IGSF10: variants seen among roughly 807,000 people sequenced by gnomAD.
IGSF10 encodes immunoglobulin superfamily member 10, also known as calvaria mechanical force protein 608.
A neutral mutation model predicts 128.2 loss-of-function variants in IGSF10; 126 were observed. The observed-to-expected ratio is 0.98, with a 90% CI of 0.85 to 1.14. IGSF10 has a LOEUF of 1.14. Among genes scored for constraint, IGSF10 ranks in the 50% most tolerant of loss-of-function variants. IGSF10 has a pLI of 0.00. For missense variants in IGSF10, 3,295 were observed against 3,149.8 expected (o/e 1.05, Z -1.10); for synonymous variants, 1,185 against 1,146.2 (o/e 1.03, Z -0.68).
the IGSF10 span, among the ~76,000 whole-genome samples, chr3:151,570,396 G>A: frequency 6.6e-6 from 1 of 152,174 alleles, no homozygotes; most frequent in South Asian, 2.1e-4. Flanking sequence ...TCCAGCACCT[G>A]TTGTTTCCTG....
chr3:151,463,345 G>A (rs935395574), upstream of IGSF10, among the ~76,000 whole-genome samples: 2 of 151,936 alleles, frequency 1.3e-5, no homozygotes, highest in African/African-American at 2.4e-5. Flanking sequence ...ATGTGTCAAA[G>A]CCTTTATATG....
chr3:151,466,603 G>C, the IGSF10 span, among the ~76,000 whole-genome samples: 2 of 152,096 alleles, frequency 1.3e-5, no homozygotes, highest in African/African-American at 2.4e-5. Context: ...GTTCGAGATA[G>C]AGTCTCACTC....
the IGSF10 span, among the ~76,000 whole-genome samples, chr3:151,472,130 T>C: frequency 6.6e-6 from 1 of 152,096 alleles, no homozygotes; most frequent in South Asian, 2.1e-4. Flanking sequence ...GCTAAAATGG[T>C]TTATAACCAG....
the IGSF10 span, among the ~76,000 whole-genome samples, chr3:151,519,658 T>C: frequency 2.0e-5 from 3 of 151,732 alleles, no homozygotes; most frequent in Admixed American, 2.0e-4. Flanking sequence ...TCTTTTTTCT[T>C]TGAGGTATAT....
chr3:151,448,620 C>T lies in IGSF10; in HGVS notation c.1361G>A (p.Ser454Asn). ...TFSTLQIQYS[S>N]DAQITLPRAE... ...TCTTGGTAAAGTGATTTGAGCATCA[C>T]TGGAGTACTGGATCTGTAATGTACT... The change falls in exon 6 of 8, where the codon AGT (serine) becomes AAT (asparagine). Residue 454 changes from serine to asparagine, a missense_variant. Coordinates refer to ENST00000282466, the MANE Select transcript of IGSF10 (RefSeq NM_178822.5). The T allele has an allele frequency of 6.2e-7, 1 of 1,614,108 alleles. No homozygotes were observed.
At chr3:151,453,358 G>A (rs1280760141) in intron 5 of IGSF10, 26 bp downstream of exon 5, 2 of 1,530,856 alleles carry the variant, frequency 1.3e-6, no homozygotes. Context: ...ACTTAATTGG[G>A]ACAAAAAAAT....
chr3:151,607,011 C>T, the IGSF10 span, among the ~76,000 whole-genome samples: 5 of 152,168 alleles, frequency 3.3e-5, no homozygotes, highest in Non-Finnish European at 5.9e-5. Context: ...AACTAGTTTA[C>T]TGGACCTCAG....
At chr3:151,595,760 G>T in the IGSF10 span, among the ~76,000 whole-genome samples, 1 of 149,402 alleles carries the variant, frequency 6.7e-6, no homozygotes. Context: ...CATAGAAACA[G>T]AGAATAGAAA....
At chr3:151,507,147 T>G in the IGSF10 span, among the ~76,000 whole-genome samples, 1 of 152,314 alleles carries the variant, frequency 6.6e-6, no homozygotes, top group Non-Finnish European at 1.5e-5. Context: ...AAGTCCAATA[T>G]GGCCCTTTAT....
the IGSF10 span, among the ~76,000 whole-genome samples, chr3:151,535,523 G>A: frequency 2.9e-4 from 44 of 152,126 alleles, no homozygotes; most frequent in African/African-American, 9.4e-4. Context: ...GGAATCAATC[G>A]TACCCTAAAC....
the IGSF10 span, among the ~76,000 whole-genome samples, chr3:151,521,388 C>T: frequency 1.3e-5 from 2 of 151,922 alleles, no homozygotes; most frequent in African/African-American, 4.8e-5. Flanking sequence ...CAGAACTCTC[C>T]ACCCAAAAAC....
the IGSF10 span, among the ~76,000 whole-genome samples, chr3:151,541,737 A>C: frequency 1.3e-5 from 2 of 152,180 alleles, no homozygotes. Flanking sequence ...TCTCGAGGAC[A>C]TACAGAAGTA....
rs1164559570 is a variant in IGSF10 at position 151,443,336 on chromosome 3, G to A, written c.5611C>T (p.Gln1871Ter). The A allele has an allele frequency of 6.8e-6, 11 of 1,614,224 alleles. No individual in the cohort carries two copies. Among genetic ancestry groups the A allele is most frequent in the Non-Finnish European group, 6.8e-6 (8 of 1,180,030 alleles). The part of the protein sequence containing the change: ...KLPCTAKGTP[Q>*]PSVYWVLSDG... ...GAGAGGACCCAGTAAACGCTGGGCT[G>A]AGGAGTTCCTTTTGCAGTACAGGGC... The change falls in exon 7 of 8, where the codon CAG becomes TAG. Residue 1871 changes from glutamine to a stop codon, truncating the protein, a stop_gained. Transcript: ENST00000282466. LOFTEE classifies it high-confidence loss of function.
chr3:151,463,767 C>T (rs1241709521), upstream of IGSF10, among the ~76,000 whole-genome samples: 1 of 151,776 alleles, frequency 6.6e-6, no homozygotes, highest in African/African-American at 2.4e-5. Flanking sequence ...GGGAGGATCA[C>T]CTGAGGTCAG....
chr3:151,568,674 G>A, the IGSF10 span, among the ~76,000 whole-genome samples: 6,461 of 152,126 alleles, frequency 0.042, 211 homozygotes, highest in African/African-American at 0.096. Context: ...TTTTAGTATA[G>A]CAACACTACC....
the IGSF10 span, among the ~76,000 whole-genome samples, chr3:151,482,962 T>G: frequency 5.9e-5 from 9 of 151,910 alleles, no homozygotes; most frequent in Admixed American, 3.9e-4. Context: ...AAATCTGTTA[T>G]TCAAAAATGA....
At chr3:151,469,070 T>C in the IGSF10 span, among the ~76,000 whole-genome samples, 3 of 152,248 alleles carry the variant, frequency 2.0e-5, no homozygotes, top group African/African-American at 7.2e-5. Context: ...TATGATTTCA[T>C]TTCTTTTTTA....
Position 151,446,758 on chromosome 3 carries a change from C to T in IGSF10, c.3223G>A (p.Ala1075Thr). Residue 1075 changes from alanine (A) to threonine (T), a missense_variant, in exon 6 of 8, where the codon GCC (alanine) becomes ACC (threonine). By Grantham distance (58) the Ala-to-Thr change is moderately conservative. Coordinates refer to ENST00000282466, the MANE Select transcript of IGSF10 (RefSeq NM_178822.5). ...CTTGGAAAAGACAATGCTGCTGTGG[C>T]AGTGGTGAGCCTCTCCCTGGGAAGA... ...SCLPRERLTT[A>T]TAALSFPSAA... 6.2e-7 allele frequency: 1 copy of T among 1,614,090 alleles called. No individual in the cohort carries two copies. Among genetic ancestry groups the T allele is most frequent in the South Asian group, 1.1e-5 (1 of 91,082 alleles).
the IGSF10 span, among the ~76,000 whole-genome samples, chr3:151,605,615 A>C: frequency 2.0e-5 from 3 of 152,226 alleles, no homozygotes; most frequent in African/African-American, 7.2e-5. Context: ...GATTTTCAAA[A>C]ACTTAAGTCA....
Sources: gnomAD v4.1 joint callset for allele counts (sites outside exome capture counted in the v4.1 genomes callset) on GRCh38, gnomAD v4.1.1 for gene constraint, MANE v1.5 for transcripts, NCBI Gene and HGNC (gene_info 2026-07-23, HGNC 2026-07-21) for gene names.